CBLB: variants seen among roughly 807,000 people sequenced by gnomAD.
CBLB encodes Cbl proto-oncogene B.
In CBLB, 31 loss-of-function variants were observed where a neutral mutation model predicts 104.9. The observed-to-expected ratio is 0.30, with a 90% CI of 0.22 to 0.40. The LOEUF (loss-of-function observed/expected upper bound fraction) is 0.40. Among genes scored for constraint, CBLB ranks in the 10% least tolerant of loss-of-function variants. CBLB has a pLI of 1.00. For missense variants in CBLB, 1,062 were observed against 1,214.6 expected, an observed-to-expected ratio of 0.87 and a Z score of 1.87; for synonymous variants, 440 against 422.6, an observed-to-expected ratio of 1.04 and a Z score of -0.51.
chr3:105,782,723 C>T (rs1262685813), intron 3 of CBLB, among the ~76,000 whole-genome samples: 1 of 151,798 alleles, frequency 6.6e-6, no homozygotes, highest in African/African-American at 2.4e-5. Context: ...AGGGTGTATG[C>T]CACCACACCT....
At chr3:105,752,147 C>T (rs1576877688) in intron 4 of CBLB, among the ~76,000 whole-genome samples, 1 of 152,150 alleles carries the variant, frequency 6.6e-6, no homozygotes, top group East Asian at 1.9e-4. Context: ...GAAAAACATA[C>T]GTTATCTAAC....
chr3:105,763,054 T>A (rs1484402429), intron 4 of CBLB, among the ~76,000 whole-genome samples: 2 of 152,206 alleles, frequency 1.3e-5, no homozygotes, highest in South Asian at 4.1e-4. Context: ...AAGGTTTGAC[T>A]GGCCCGCTGG....
intron 4 of CBLB, among the ~76,000 whole-genome samples, chr3:105,769,922 G>A (rs925157557): frequency 5.3e-5 from 8 of 152,214 alleles, no homozygotes; most frequent in Non-Finnish European, 1.2e-4. Context: ...TCAGAAGGTT[G>A]TTGGGGTAAT....
chr3:105,869,329 G>T, upstream of CBLB: 2 of 1,295,140 alleles, frequency 1.5e-6, no homozygotes, highest in Non-Finnish European at 2.1e-6. Flanking sequence ...AGGCACGAAG[G>T]AGCTAACCAA....
intron 10 of CBLB, among the ~76,000 whole-genome samples, chr3:105,704,399 G>T (rs2069746129): frequency 6.6e-6 from 1 of 152,104 alleles, no homozygotes; most frequent in Non-Finnish European, 1.5e-5. Flanking sequence ...ATTGCAGAAA[G>T]GGGCTAAGAA....
At chr3:105,814,001 T>C (rs1333151304) in intron 3 of CBLB, among the ~76,000 whole-genome samples, 1 of 152,188 alleles carries the variant, frequency 6.6e-6, no homozygotes, top group African/African-American at 2.4e-5. Context: ...AAATTATAAC[T>C]ACCTCTATAA....
chr3:105,793,702 G>T (rs1039607446), intron 3 of CBLB, among the ~76,000 whole-genome samples: 5 of 152,142 alleles, frequency 3.3e-5, no homozygotes, highest in Non-Finnish European at 1.5e-5. Flanking sequence ...ATAACTTCCA[G>T]TTCCACGTCA....
chr3:105,718,274 A>T (rs1350556658), intron 10 of CBLB, among the ~76,000 whole-genome samples: 1 of 152,234 alleles, frequency 6.6e-6, no homozygotes, highest in East Asian at 1.9e-4. Flanking sequence ...TCTGAGTGTT[A>T]AATTATAACA....
chr3:105,706,593 A>G (rs539234635), intron 10 of CBLB, among the ~76,000 whole-genome samples: 1 of 152,270 alleles, frequency 6.6e-6, no homozygotes, highest in Non-Finnish European at 1.5e-5. Flanking sequence ...GCATCACAGC[A>G]TCTTGACACT....
chr3:105,867,302 A>G (rs2092480373), intron 2 of CBLB, 108 bp downstream of exon 2: 1 of 1,048,282 alleles, frequency 9.5e-7, no homozygotes, highest in Non-Finnish European at 1.5e-6. Flanking sequence ...AAATCAAAAG[A>G]TTGTTGCCAT....
intron 3 of CBLB, among the ~76,000 whole-genome samples, chr3:105,835,631 T>C (rs1378138850): frequency 2.0e-5 from 3 of 152,244 alleles, no homozygotes; most frequent in Admixed American, 6.5e-5. Flanking sequence ...ATTGCTAACA[T>C]ATTAAAATAC....
chr3:105,765,303 T>G (rs78508680), intron 4 of CBLB, among the ~76,000 whole-genome samples: 1 of 152,170 alleles, frequency 6.6e-6, no homozygotes, highest in Non-Finnish European at 1.5e-5. Context: ...TACTTGCATA[T>G]GTACCCCCTA....
chr3:105,756,813 C>T (rs2077122928), intron 4 of CBLB, among the ~76,000 whole-genome samples: 1 of 152,084 alleles, frequency 6.6e-6, no homozygotes, highest in Non-Finnish European at 1.5e-5. Context: ...GGTATTTGTT[C>T]CCCCCAAACC....
At chr3:105,662,549 G>A (rs1051839778) in intron 18 of CBLB, among the ~76,000 whole-genome samples, 1 of 152,156 alleles carries the variant, frequency 6.6e-6, no homozygotes, top group African/African-American at 2.4e-5. Context: ...GTGAGCCACA[G>A]AATATAAATA....
At chr3:105,737,492 A>T (rs1218020944) in intron 7 of CBLB, among the ~76,000 whole-genome samples, 3 of 152,110 alleles carry the variant, frequency 2.0e-5, no homozygotes, top group Non-Finnish European at 4.4e-5. Context: ...CCCACTAAGC[A>T]ACCATTTTCA....
chr3:105,732,213 A>G (rs986844681), intron 9 of CBLB, among the ~76,000 whole-genome samples: 1 of 150,784 alleles, frequency 6.6e-6, no homozygotes, highest in Non-Finnish European at 1.5e-5. Flanking sequence ...CAATATCTCT[A>G]TAATACCTCC....
chr3:105,727,736 G>A (rs1259928994), intron 9 of CBLB, among the ~76,000 whole-genome samples: 1 of 152,092 alleles, frequency 6.6e-6, no homozygotes, highest in Admixed American at 6.5e-5. Flanking sequence ...ATAAGGAAGG[G>A]GTCCAGTTTC....
chr3:105,816,386 A>T (rs2085061936), intron 3 of CBLB, among the ~76,000 whole-genome samples: 1 of 152,108 alleles, frequency 6.6e-6, no homozygotes, highest in African/African-American at 2.4e-5. Flanking sequence ...CATTTAGAAA[A>T]CTACTAAGCA....
intron 2 of CBLB, among the ~76,000 whole-genome samples, chr3:105,854,057 T>C (rs554205724): frequency 6.6e-6 from 1 of 152,318 alleles, no homozygotes; most frequent in Admixed American, 6.5e-5. Flanking sequence ...TTTACTACAC[T>C]GAATTCCCAG....
Sources: gnomAD v4.1 joint callset for allele counts (sites outside exome capture counted in the v4.1 genomes callset) on GRCh38, gnomAD v4.1.1 for gene constraint, MANE v1.5 for transcripts, NCBI Gene and HGNC (gene_info 2026-07-23, HGNC 2026-07-21) for gene names.